Variants in ZNF821 observed in about 807,000 individuals in gnomAD.
ZNF821 encodes the protein zinc finger protein 821.
A neutral mutation model predicts 44.3 loss-of-function variants in ZNF821; 16 were observed. The observed-to-expected ratio is 0.36, with a 90% CI of 0.24 to 0.55. The LOEUF is 0.55. Ranked by LOEUF, ZNF821 falls within the 20% of genes least tolerant of loss-of-function variation. The probability of loss-of-function intolerance (pLI) is 0.86; values close to 1 mark genes in which losing one functional copy is unlikely to be tolerated. For synonymous variants in ZNF821, 204 were observed against 197.6 expected, an observed-to-expected ratio of 1.03 and a Z score of -0.27; for missense variants, 436 against 547.6, an observed-to-expected ratio of 0.80 and a Z score of 2.03.
chr16:71,882,412 C>T (rs545905617), intron 2 of ZNF821: 37 of 152,200 alleles, frequency 2.4e-4, no homozygotes, highest in African/African-American at 7.7e-4. Context: ...TTTCTCCCTT[C>T]AAGATCAGAA....
chr16:71,885,704 G>GTA (rs2036825607), upstream of ZNF821, among the ~76,000 whole-genome samples: 3 of 152,120 alleles, frequency 2.0e-5, no homozygotes, highest in Non-Finnish European at 2.9e-5. Context: ...AGGGATCTTG[G>GTA]TCCTTCACAA....
At chr16:71,877,183 T>C (rs563184843) in intron 3 of ZNF821, among the ~76,000 whole-genome samples, 1 of 152,370 alleles carries the variant, frequency 6.6e-6, no homozygotes, top group East Asian at 1.9e-4. Context: ...CCTCTGTTTA[T>C]ACTATTTTGT....
upstream of ZNF821, among the ~76,000 whole-genome samples, chr16:71,887,259 C>CTTTTTTTTTTT (rs60449301): frequency 8.0e-6 from 1 of 124,880 alleles, no homozygotes; most frequent in Non-Finnish European, 1.6e-5. Flanking sequence ...TATATTCAAC[C>CTTTTTTTTTTT]TTTTTTTTTT....
At chr16:71,889,717 C>G (rs1358638932), upstream of ZNF821, among the ~76,000 whole-genome samples, 1 of 151,868 alleles carries the variant, frequency 6.6e-6, no homozygotes, top group Non-Finnish European at 1.5e-5. Flanking sequence ...AAAACAAAAA[C>G]AAAAGAAAAC....
intron 3 of ZNF821, among the ~76,000 whole-genome samples, chr16:71,870,771 T>C (rs1286581634): frequency 6.6e-6 from 1 of 152,210 alleles, no homozygotes; most frequent in East Asian, 1.9e-4. Context: ...TGAGCCACTG[T>C]GCCTGGCCAA....
intron 3 of ZNF821, among the ~76,000 whole-genome samples, chr16:71,877,479 C>T (rs775509959): frequency 5.9e-5 from 9 of 151,940 alleles, no homozygotes; most frequent in South Asian, 2.1e-4. Context: ...AGGCTGGTCT[C>T]GAACTCTTGG....
intron 1 of ZNF821, chr16:71,894,715 T>G: frequency 1.7e-6 from 1 of 578,192 alleles, no homozygotes; most frequent in Non-Finnish European, 2.9e-6. Context: ...TTTTTTTTTT[T>G]TGTAGCGATG....
intron 6 of ZNF821, among the ~76,000 whole-genome samples, chr16:71,862,730 C>T (rs1370589890): frequency 2.6e-5 from 4 of 152,168 alleles, no homozygotes; most frequent in African/African-American, 4.8e-5. Context: ...TCCTCATGAA[C>T]CAACTATCTT....
intron 6 of ZNF821, among the ~76,000 whole-genome samples, chr16:71,863,932 A>G (rs1193234482): frequency 6.6e-6 from 1 of 152,184 alleles, no homozygotes; most frequent in Non-Finnish European, 1.5e-5. Flanking sequence ...TCCTGACTTC[A>G]AGTGATCTAC....
chr16:71,866,145 G>T (rs1567412112), intron 4 of ZNF821, among the ~76,000 whole-genome samples: 1 of 152,162 alleles, frequency 6.6e-6, no homozygotes, highest in Non-Finnish European at 1.5e-5. Context: ...GAGCAAGAGA[G>T]AAATATAGGG....
rs1486402238 is a variant in ZNF821 at position 71,860,442 on chromosome 16, T to C, written c.815A>G (p.Gln272Arg). ...RQNEPLEVRLQRLERERTAKK... is the reference protein window; with the variant it reads ...RQNEPLEVRLRRLERERTAKK... ...GGCCGTGCGCTCTCGTTCCAGCCGC[T>C]GCAGCCGTACTTCCAAAGGCTCATT... Residue 272 changes from glutamine to arginine, a missense_variant, in exon 8 of 8, where the codon CAG becomes CGG. This residue lies in a region of ZNF821 where 68 missense variants were observed against 57.0 expected (regional missense o/e 1.19). Coordinates refer to ENST00000425432, the MANE Select transcript of ZNF821 (RefSeq NM_001201552.2). The surrounding 1 kb of genome is among the most constrained non-coding windows in gnomAD (Gnocchi z 7.3). 3 of 1,613,814 alleles carry C rather than the reference T, an allele frequency of 1.9e-6. No individual in the cohort carries two copies. Among genetic ancestry groups the C allele is most frequent in the Non-Finnish European group, 2.5e-6 (3 of 1,180,048 alleles).
chr16:71,862,017 T>C, intron 6 of ZNF821, 75 bp from the exon 7 acceptor site: 1 of 1,538,086 alleles, frequency 6.5e-7, no homozygotes, highest in Non-Finnish European at 8.9e-7. Flanking sequence ...AAATGACTTT[T>C]GGGAAATGTC....
intron 3 of ZNF821, among the ~76,000 whole-genome samples, chr16:71,872,149 C>T (rs2035270120): frequency 6.6e-6 from 1 of 151,596 alleles, no homozygotes; most frequent in Non-Finnish European, 1.5e-5. Context: ...GTTTTTCAGA[C>T]CAGATGAGAA....
chr16:71,872,871 A>G (rs758514659), intron 3 of ZNF821, among the ~76,000 whole-genome samples: 2 of 152,380 alleles, frequency 1.3e-5, no homozygotes, highest in East Asian at 3.9e-4. Context: ...GTTGAAGTTG[A>G]AAGTTTTAAG....
At chr16:71,864,287 C>G (rs1425531533) in intron 5 of ZNF821, 45 bp from the exon 6 acceptor site, 7 of 1,544,612 alleles carry the variant, frequency 4.5e-6, no homozygotes, top group Non-Finnish European at 6.3e-6. Context: ...CTTTACTCAT[C>G]TCTTCCCTGC....
exon 1 of ZNF821, chr16:71,894,913 G>A: frequency 2.4e-6 from 3 of 1,234,000 alleles, no homozygotes; most frequent in Non-Finnish European, 3.4e-6. Context: ...GAAATCGCCA[G>A]AGACTGTGGT....
chr16:71,874,176 G>T (rs1324438834), intron 3 of ZNF821, among the ~76,000 whole-genome samples: 1 of 151,672 alleles, frequency 6.6e-6, no homozygotes. Context: ...TGGCCAGGCT[G>T]GTCTTGAACT....
At chr16:71,861,497 A>G (rs1469270679) in intron 7 of ZNF821, among the ~76,000 whole-genome samples, 2 of 152,224 alleles carry the variant, frequency 1.3e-5, no homozygotes, top group African/African-American at 2.4e-5. Flanking sequence ...TCTCTACCCT[A>G]TAACTTCTTT....
At chr16:71,867,886 T>C (rs765989757) in intron 4 of ZNF821, 26 bp downstream of exon 4, 2 of 1,534,686 alleles carry the variant, frequency 1.3e-6, no homozygotes, top group South Asian at 2.4e-5. Context: ...TTGCCCTGAG[T>C]CATTACCAGA....
Sources: gnomAD v4.1 joint callset for allele counts (sites outside exome capture counted in the v4.1 genomes callset) on GRCh38, gnomAD v4.1.1 for gene constraint, gnomAD v4.1.1 regional missense constraint, Gnocchi (gnomAD v3.1) non-coding constraint, MANE v1.5 for transcripts, NCBI Gene and HGNC (gene_info 2026-07-23, HGNC 2026-07-21) for gene names.